The following CSGALNACT1 variants were observed in gnomAD, a reference collection of about 807,000 sequenced individuals.
The protein encoded by CSGALNACT1 is chondroitin sulfate N-acetylgalactosaminyltransferase 1, also known as beta4GalNAcT-1.
In CSGALNACT1, 52 loss-of-function variants were observed where a neutral mutation model predicts 51.0. The observed-to-expected ratio is 1.02, with a 90% CI of 0.82 to 1.29. CSGALNACT1 has a LOEUF of 1.29. CSGALNACT1 is among the 50% of genes most tolerant of loss of function. The pLI is 0.00. For synonymous variants in CSGALNACT1, 341 were observed against 254.4 expected (o/e 1.34, Z -3.24); for missense variants, 935 against 679.2 (o/e 1.38, Z -4.19).
At chr8:19,571,853 T>C (rs2043119795) in intron 3 of CSGALNACT1, among the ~76,000 whole-genome samples, 1 of 152,222 alleles carries the variant, frequency 6.6e-6, no homozygotes, top group Non-Finnish European at 1.5e-5. Flanking sequence ...ATGTATGACA[T>C]GCCTGAATTT....
At chr8:19,643,765 A>G (rs765350154) in intron 1 of CSGALNACT1, among the ~76,000 whole-genome samples, 3 of 152,248 alleles carry the variant, frequency 2.0e-5, no homozygotes, top group Non-Finnish European at 4.4e-5. Flanking sequence ...TTTGCTGATC[A>G]AATTAACCAG....
At chr8:19,416,087 C>T (rs2056811725) in intron 8 of CSGALNACT1, among the ~76,000 whole-genome samples, 1 of 147,112 alleles carries the variant, frequency 6.8e-6, no homozygotes, top group Admixed American at 6.9e-5. Context: ...GCAAGGTTAA[C>T]TTATTATTAA....
intron 1 of CSGALNACT1, among the ~76,000 whole-genome samples, chr8:19,723,141 T>C (rs550799501): frequency 3.5e-4 from 54 of 152,338 alleles, no homozygotes; most frequent in African/African-American, 1.2e-3. Flanking sequence ...AATCTTCACC[T>C]TATTTTGGGC....
At chr8:19,668,879 G>A (rs1235474720) in intron 1 of CSGALNACT1, among the ~76,000 whole-genome samples, 1 of 152,136 alleles carries the variant, frequency 6.6e-6, no homozygotes, top group Non-Finnish European at 1.5e-5. Context: ...ATGGGAAAAT[G>A]GGATCAATCA....
At chr8:19,613,721 T>C (rs1564260915) in intron 1 of CSGALNACT1, among the ~76,000 whole-genome samples, 2 of 152,354 alleles carry the variant, frequency 1.3e-5, no homozygotes, top group South Asian at 4.1e-4. Context: ...TTATTATAAA[T>C]CACTTTTATT....
chr8:19,684,961 C>T (rs1001318199), upstream of CSGALNACT1, among the ~76,000 whole-genome samples: 2 of 152,210 alleles, frequency 1.3e-5, no homozygotes, highest in East Asian at 1.9e-4. Context: ...TGTTCCCACA[C>T]TTTCTACTGT....
chr8:19,681,527 C>G (rs191313031), intron 1 of CSGALNACT1, among the ~76,000 whole-genome samples: 16 of 152,212 alleles, frequency 1.1e-4, no homozygotes, highest in African/African-American at 3.9e-4. Flanking sequence ...CAAGACAAGT[C>G]TCCTGGGTCT....
At chr8:19,511,264 GA>G (rs1181643527) in intron 3 of CSGALNACT1, among the ~76,000 whole-genome samples, 1 of 152,172 alleles carries the variant, frequency 6.6e-6, no homozygotes, top group Admixed American at 6.5e-5. Flanking sequence ...GCTTGATGGA[GA>G]AAAAAACAAG....
intron 6 of CSGALNACT1, among the ~76,000 whole-genome samples, chr8:19,430,247 G>T (rs996716200): frequency 7.2e-5 from 11 of 152,164 alleles, no homozygotes; most frequent in Non-Finnish European, 1.2e-4. Context: ...GGGTTTAAAA[G>T]TCACACCTAA....
At chr8:19,606,609 G>A (rs1004724647), upstream of CSGALNACT1, among the ~76,000 whole-genome samples, 1 of 152,116 alleles carries the variant, frequency 6.6e-6, no homozygotes, top group Non-Finnish European at 1.5e-5. Context: ...AGAGGATCTT[G>A]GTGTCCTGGT....
intron 3 of CSGALNACT1, among the ~76,000 whole-genome samples, chr8:19,582,348 A>C (rs2045757519): frequency 6.6e-6 from 1 of 152,350 alleles, no homozygotes; most frequent in East Asian, 1.9e-4. Context: ...ATAATATAAA[A>C]CTTACAATGT....
chr8:19,523,829 A>C (rs2081180764), intron 3 of CSGALNACT1, among the ~76,000 whole-genome samples: 1 of 152,134 alleles, frequency 6.6e-6, no homozygotes, highest in Non-Finnish European at 1.5e-5. Flanking sequence ...TGTCAAGGGA[A>C]TGTGATCAGT....
At position 19,430,469 on chromosome 8, in the gene CSGALNACT1, T is replaced by C. The variant is rs991386052; in HGVS notation, c.953+9361A>G. Among the ~76,000 whole-genome samples, 139 of 152,340 alleles carry C rather than the reference T, an allele frequency of 9.1e-4. 2 individuals carry two copies. The highest frequency in any genetic ancestry group is 8.9e-3 in the Admixed American group (137 of 15,308). ...CCCAGAACCGTTCTTAAAAAGATGA[T>C]TCTTTCCCCCATATGATGATCTGGT... is the stretch of plus-strand genomic sequence containing the variant. On this transcript the variant is annotated intron_variant, in intron 6 of 9. Transcript: ENST00000454498.
At chr8:19,518,258 T>C (rs1287986369) in intron 3 of CSGALNACT1, among the ~76,000 whole-genome samples, 1 of 152,142 alleles carries the variant, frequency 6.6e-6, no homozygotes, top group East Asian at 1.9e-4. Flanking sequence ...AAGAGCAGCC[T>C]GAAAAGTGGA....
intron 6 of CSGALNACT1, among the ~76,000 whole-genome samples, chr8:19,426,820 G>T (rs912683383): frequency 6.6e-6 from 1 of 152,120 alleles, no homozygotes; most frequent in South Asian, 2.1e-4. Context: ...GATTAAAAAC[G>T]ATAGATCTTC....
At chr8:19,434,502 T>C (rs2060091535) in intron 6 of CSGALNACT1, among the ~76,000 whole-genome samples, 2 of 152,160 alleles carry the variant, frequency 1.3e-5, no homozygotes, top group African/African-American at 4.8e-5. Context: ...AGCAAGATAC[T>C]CTCCTGGTTC....
Position 19,495,965 on chromosome 8 carries a change from C to T in CSGALNACT1, c.634+9236G>A, listed in dbSNP as rs1300281809. On this transcript the variant is annotated intron_variant, in intron 4 of 9. Coordinates refer to ENST00000454498, the Ensembl canonical transcript of CSGALNACT1. Reference sequence around the variant, plus strand: ...AGCTAACATAGGACTTGTGTCAAAACTGGAATGGGATAAAAGGGGTTCTAG... The same window carrying T: ...AGCTAACATAGGACTTGTGTCAAAATTGGAATGGGATAAAAGGGGTTCTAG... Among the ~76,000 whole-genome samples, 4 of 152,138 alleles carry T rather than the reference C, an allele frequency of 2.6e-5. No homozygotes were observed. The East Asian group carries it at 5.8e-4, about 22-fold the overall frequency.
chr8:19,482,962 G>A (rs1339759913), intron 4 of CSGALNACT1, among the ~76,000 whole-genome samples: 3 of 152,092 alleles, frequency 2.0e-5, no homozygotes, highest in African/African-American at 7.2e-5. Context: ...AGCATTAAAT[G>A]AGCTGAGCTT....
At chr8:19,656,042 G>T (rs375633985) in intron 1 of CSGALNACT1, among the ~76,000 whole-genome samples, 1 of 152,096 alleles carries the variant, frequency 6.6e-6, no homozygotes, top group Non-Finnish European at 1.5e-5. Flanking sequence ...AGAATGGAAG[G>T]GGGTACATCA....
Sources: gnomAD v4.1 joint callset for allele counts (sites outside exome capture counted in the v4.1 genomes callset) on GRCh38, gnomAD v4.1.1 for gene constraint, MANE v1.5 for transcripts, NCBI Gene and HGNC (gene_info 2026-07-23, HGNC 2026-07-21) for gene names.